Variants in GTF2F2 observed in about 807,000 individuals in gnomAD.
GTF2F2 encodes the protein general transcription factor IIF subunit 2.
GTF2F2 carries 23 observed loss-of-function variants against 42.2 expected under a neutral mutation model. The observed-to-expected ratio is 0.55, with a 90% CI of 0.39 to 0.77. The LOEUF is 0.77. Among genes scored for constraint, GTF2F2 ranks in the 30% least tolerant of loss-of-function variants. The probability of loss-of-function intolerance (pLI) is 0.00; values close to 1 mark genes in which losing one functional copy is unlikely to be tolerated. For synonymous variants in GTF2F2, 105 were observed against 100.8 expected (o/e 1.04, Z -0.25); for missense variants, 261 against 287.2 (o/e 0.91, Z 0.66).
chr13:45,122,602 C>T (rs928302355), intron 1 of GTF2F2, among the ~76,000 whole-genome samples: 3 of 151,868 alleles, frequency 2.0e-5, no homozygotes, highest in Admixed American at 6.6e-5. Flanking sequence ...CCGTTGCACT[C>T]CAGCCTGGGC....
intron 5 of GTF2F2, among the ~76,000 whole-genome samples, chr13:45,226,818 G>A (rs1306529898): frequency 6.6e-6 from 1 of 152,140 alleles, no homozygotes; most frequent in Non-Finnish European, 1.5e-5. Context: ...TCTTCTAAGA[G>A]GGTTGAACCT....
intron 1 of GTF2F2, among the ~76,000 whole-genome samples, chr13:45,136,097 A>G (rs2138100252): frequency 6.6e-6 from 1 of 152,350 alleles, no homozygotes; most frequent in South Asian, 2.1e-4. Flanking sequence ...CATCTTTACT[A>G]ATTGTATAAC....
At chr13:45,141,397 A>T (rs1404455376) in intron 2 of GTF2F2, among the ~76,000 whole-genome samples, 2 of 152,186 alleles carry the variant, frequency 1.3e-5, no homozygotes, top group Admixed American at 6.5e-5. Context: ...TAATCCACAT[A>T]GGGTGGCTAA....
intron 4 of GTF2F2, among the ~76,000 whole-genome samples, chr13:45,156,816 T>C (rs182099489): frequency 6.6e-6 from 1 of 152,320 alleles, no homozygotes; most frequent in Admixed American, 6.5e-5. Flanking sequence ...AGTGACTTTT[T>C]TGCTTTCATT....
chr13:45,134,205 T>A (rs1869501931), intron 1 of GTF2F2, among the ~76,000 whole-genome samples: 1 of 152,214 alleles, frequency 6.6e-6, no homozygotes, highest in African/African-American at 2.4e-5. Flanking sequence ...TGGTATTGAC[T>A]ACCCTTCCGC....
chr13:45,135,432 G>A (rs1002209118), intron 1 of GTF2F2, among the ~76,000 whole-genome samples: 2 of 151,328 alleles, frequency 1.3e-5, no homozygotes, highest in Admixed American at 6.6e-5. Context: ...GCTAATTTTT[G>A]TATTCTTAGT....
intron 5 of GTF2F2, among the ~76,000 whole-genome samples, chr13:45,213,674 CT>C (rs147572898): frequency 0.21 from 31,260 of 148,786 alleles, 3,435 homozygotes; most frequent in African/African-American, 0.23. Context: ...TCCTTCCTTT[CT>C]TTTTTTTTTG....
chr13:45,206,845 G>A (rs2138188592), intron 4 of GTF2F2: 1 of 152,286 alleles, frequency 6.6e-6, no homozygotes, highest in African/African-American at 2.4e-5. Context: ...GTTTTGACAT[G>A]CCCAGATTTA....
At chr13:45,164,665 A>G (rs1593464798) in intron 4 of GTF2F2, among the ~76,000 whole-genome samples, 1 of 145,548 alleles carries the variant, frequency 6.9e-6, no homozygotes. Flanking sequence ...TTGAGGCTAC[A>G]GTGAGTACAG....
In GTF2F2 at chr13:45,123,874, C is replaced by T. The variant is rs115786956; in HGVS notation, c.66+3153C>T. 1,059 of 305,130 alleles carry T rather than the reference C, an allele frequency of 3.5e-3. 10 individuals carry two copies. The highest frequency in any genetic ancestry group is 0.022 in the African/African-American group (982 of 45,196). 18.9% of individuals were successfully genotyped at this position (305,130 alleles called of 1,614,324 possible). A position where few individuals can be genotyped will look rare whatever the true frequency, so the allele number is the denominator to read the frequency against. The stretch of plus-strand genomic sequence containing the variant: ...GGCAGGGCTCCCTAGGCCCCTCCCT[C>T]TTCAGGGGGTCTGCATGGAAGCTGT... On this transcript the variant is annotated intron_variant, in intron 1 of 7. Transcript: ENST00000340473.
chr13:45,219,829 C>T (rs1874038304), intron 5 of GTF2F2, among the ~76,000 whole-genome samples: 1 of 152,048 alleles, frequency 6.6e-6, no homozygotes. Flanking sequence ...TGTCTAAAAC[C>T]TTTTTCTTTT....
intron 1 of GTF2F2, among the ~76,000 whole-genome samples, chr13:45,133,699 G>A (rs1224344524): frequency 1.3e-5 from 2 of 152,178 alleles, no homozygotes; most frequent in Non-Finnish European, 2.9e-5. Context: ...CATGGCAATG[G>A]TCATGTGTAA....
chr13:45,241,309 G>A (rs1875292523), intron 5 of GTF2F2, among the ~76,000 whole-genome samples: 1 of 151,968 alleles, frequency 6.6e-6, no homozygotes, highest in African/African-American at 2.4e-5. Flanking sequence ...CACCTGGGGT[G>A]GAGCATATTC....
At chr13:45,232,808 C>T (rs1455010817) in intron 5 of GTF2F2, among the ~76,000 whole-genome samples, 1 of 152,062 alleles carries the variant, frequency 6.6e-6, no homozygotes, top group Non-Finnish European at 1.5e-5. Flanking sequence ...TATATTTTTA[C>T]TTTTTAAATG....
At chr13:45,128,958 A>G (rs1422176426) in intron 1 of GTF2F2, among the ~76,000 whole-genome samples, 1 of 152,094 alleles carries the variant, frequency 6.6e-6, no homozygotes, top group Admixed American at 6.6e-5. Flanking sequence ...TGATTCTTAA[A>G]TTTGCCTTAA....
intron 4 of GTF2F2, among the ~76,000 whole-genome samples, chr13:45,184,156 A>G (rs909768302): frequency 6.6e-6 from 1 of 152,078 alleles, no homozygotes; most frequent in South Asian, 2.1e-4. Flanking sequence ...CTTTTGGCTC[A>G]TTCACATACT....
intron 4 of GTF2F2, among the ~76,000 whole-genome samples, chr13:45,184,869 A>G (rs886590914): frequency 3.9e-5 from 6 of 152,146 alleles, no homozygotes; most frequent in African/African-American, 1.4e-4. Flanking sequence ...CAGGAAGTGC[A>G]GTGGCATAGT....
chr13:45,139,489 C>T (rs1450992127), intron 2 of GTF2F2, among the ~76,000 whole-genome samples: 1 of 152,186 alleles, frequency 6.6e-6, no homozygotes, highest in African/African-American at 2.4e-5. Context: ...CTGTAACACT[C>T]TTCCTTTAGA....
At chr13:45,246,494 AC>A (rs1402999172) in intron 5 of GTF2F2, among the ~76,000 whole-genome samples, 2 of 151,916 alleles carry the variant, frequency 1.3e-5, no homozygotes, top group Admixed American at 6.6e-5. Context: ...CTTTACCATC[AC>A]CCTGTTCCAA....
Sources: gnomAD v4.1 joint callset for allele counts (sites outside exome capture counted in the v4.1 genomes callset) on GRCh38, gnomAD v4.1.1 for gene constraint, MANE v1.5 for transcripts, NCBI Gene and HGNC (gene_info 2026-07-23, HGNC 2026-07-21) for gene names.